Variants in GGA3 observed in about 807,000 individuals in gnomAD.
GGA3 encodes golgi associated, gamma adaptin ear containing, ARF binding protein 3.
A neutral mutation model predicts 77.5 loss-of-function variants in GGA3; 57 were observed. The observed-to-expected ratio is 0.74, with a 90% CI of 0.59 to 0.92. The LOEUF (loss-of-function observed/expected upper bound fraction) is 0.92, where lower values mean the gene tolerates loss of function less well. Among genes scored for constraint, GGA3 ranks in the 40% least tolerant of loss-of-function variants. The probability of loss-of-function intolerance (pLI) is 0.00; values close to 1 mark genes in which losing one functional copy is unlikely to be tolerated. For synonymous variants in GGA3, 416 were observed against 383.7 expected (o/e 1.08, Z -0.98); for missense variants, 970 against 914.9 (o/e 1.06, Z -0.78).
At position 75,237,388 on chromosome 17, in the gene GGA3, G is replaced by GT. The variant is rs1250395896; in HGVS notation, c.*890_*891insA. On this transcript the variant is annotated 3_prime_UTR_variant, in exon 17 of 17. Transcript: ENST00000537686. ...ACATGCCATCTGGTGAGAGGAGAGGGAGGCCAAAGCAGTAGGATGTAGAGT... is the reference window on the plus strand; with the variant it reads ...ACATGCCATCTGGTGAGAGGAGAGGGTAGGCCAAAGCAGTAGGATGTAGAGT... 20 of 1,158,500 alleles carry GT rather than the reference G, an allele frequency of 1.7e-5. No individual in the cohort carries two copies. Among genetic ancestry groups the GT allele is most frequent in the Non-Finnish European group, 2.4e-5 (19 of 802,312 alleles). The allele number at this position is 1,158,500 out of a possible 1,614,324, so 71.8% of individuals were successfully genotyped here. A position where few individuals can be genotyped will look rare whatever the true frequency, so the allele number is the denominator to read the frequency against.
chr17:75,240,950 C>G lies in GGA3; in HGVS notation c.1054G>C (p.Gly352Arg), dbSNP rs1339080612. The G allele has an allele frequency of 6.2e-7, 1 of 1,614,022 alleles. No homozygotes were observed. The highest frequency in any genetic ancestry group is 8.5e-7 in the Non-Finnish European group (1 of 1,179,972). ...LAPAPTPPSS[G>R]IPILPPPPQA... The stretch of plus-strand genomic sequence containing the variant: ...GGTGGTGGAGGGAGGATTGGGATGC[C>G]TGAGGAGGGTGGAGTAGGTGCTGGG... Residue 352 changes from glycine to arginine, a missense_variant, in exon 11 of 17, where the codon GGC becomes CGC. Gly to Arg is a moderately radical substitution (Grantham distance 125, BLOSUM62 -2). Transcript: ENST00000537686.
chr17:75,251,168 T>C (rs16967731), intron 1 of GGA3, among the ~76,000 whole-genome samples: 17,509 of 151,978 alleles, frequency 0.12, 2,898 homozygotes, highest in African/African-American at 0.36. Flanking sequence ...CAACCTTCAC[T>C]AGGGTCCTGA....
intron 3 of GGA3, 21 bp downstream of exon 3, chr17:75,246,488 T>C: frequency 6.5e-7 from 1 of 1,533,264 alleles, no homozygotes; most frequent in Non-Finnish European, 9.0e-7. Context: ...GGTTTCCACC[T>C]CCGGAGAGTG....
In GGA3 at chr17:75,242,880, G is replaced by C; in HGVS notation, c.560C>G (p.Pro187Arg). 1 of 1,614,062 alleles carries C rather than the reference G, an allele frequency of 6.2e-7. No homozygotes were observed. Among genetic ancestry groups the C allele is most frequent in the Non-Finnish European group, 8.5e-7 (1 of 1,179,916 alleles). ...CTTGTTGGCCTCCTGCAGGTCATCT[G>C]GGTTTTTGCTTTTCAGCAGCTTGGC... ...LLAKLLKSKN[P>R]DDLQEANKLI... The change falls in exon 7 of 17, where the codon CCA becomes CGA. Residue 187 changes from proline (P) to arginine (R), a missense_variant. Physicochemically the swap from Pro to Arg is moderately radical, Grantham distance 103. Transcript: ENST00000537686.
Position 75,237,363 on chromosome 17 carries a change from A to G in GGA3, c.*916T>C, listed in dbSNP as rs1025084407. 1.1e-6 allele frequency: 1 copy of G among 908,834 alleles called. No homozygotes were observed. Among genetic ancestry groups the G allele is most frequent in the Admixed American group, 2.0e-5 (1 of 49,806 alleles). The allele number at this position is 908,834 out of a possible 1,614,324, so 56.3% of individuals were successfully genotyped here. ...TGTGTCCAGCCACAGGTGCCACACC[A>G]CATGCCATCTGGTGAGAGGAGAGGG... is the stretch of plus-strand genomic sequence containing the variant. On this transcript the variant is annotated 3_prime_UTR_variant, in exon 17 of 17. Transcript: ENST00000537686.
intron 1 of GGA3, among the ~76,000 whole-genome samples, chr17:75,256,870 G>A (rs994735437): frequency 1.1e-4 from 17 of 152,074 alleles, no homozygotes; most frequent in African/African-American, 4.1e-4. Context: ...GTAAGTAGAG[G>A]CCTTTCCTAC....
intron 3 of GGA3, 57 bp from the exon 4 acceptor site, chr17:75,244,774 G>A: frequency 1.8e-6 from 2 of 1,099,016 alleles, no homozygotes; most frequent in Non-Finnish European, 2.8e-6. Flanking sequence ...CTGGAACCTG[G>A]CACTGGCAAG....
Position 75,239,399 on chromosome 17 carries a change from C to T in GGA3, c.1756G>A (p.Val586Met), listed in dbSNP as rs771395482. 9 of 1,558,414 alleles carry T rather than the reference C, an allele frequency of 5.8e-6. No individual in the cohort carries two copies. The highest frequency in any genetic ancestry group is 2.8e-5 in the African/African-American group (2 of 71,972). ...CTAGGCTTGATCGATTCCAGGGGCACGTGGATGCTGGCCAGGGAGAGCTCA... is the reference window on the plus strand; with the variant it reads ...CTAGGCTTGATCGATTCCAGGGGCATGTGGATGCTGGCCAGGGAGAGCTCA... ...GPELSLASIH[V>M]PLESIKPSSA... The change falls in exon 14 of 17, where the codon GTG becomes ATG. Residue 586 changes from valine (V) to methionine (M), a missense_variant. By Grantham distance (21) the Val-to-Met change is conservative. Coordinates refer to ENST00000537686, the MANE Select transcript of GGA3 (RefSeq NM_138619.4).
chr17:75,238,913 C>G lies in GGA3; in HGVS notation c.1950+1G>C, dbSNP rs765595260. On this transcript the variant is annotated splice_donor_variant, in intron 15 of 16. Transcript: ENST00000537686. LOFTEE classifies it high-confidence loss of function. ...TTTTGGCCCCAGGGAGACACTGGTA[C>G]CTTGGGCACTGCAGCCTGCAGCACG... 7 of 1,613,680 alleles carry G rather than the reference C, an allele frequency of 4.3e-6. No individual in the cohort carries two copies. Among genetic ancestry groups the G allele is most frequent in the Non-Finnish European group, 5.9e-6 (7 of 1,179,780 alleles).
At chr17:75,248,395 C>CG (rs980878433) in intron 1 of GGA3, among the ~76,000 whole-genome samples, 16 of 135,846 alleles carry the variant, frequency 1.2e-4, no homozygotes, top group Non-Finnish European at 2.5e-4. Context: ...GGCGCGAACC[C>CG]GGGGGGTGGA....
chr17:75,247,835 A>G (rs1384457723), intron 1 of GGA3, among the ~76,000 whole-genome samples: 1 of 152,094 alleles, frequency 6.6e-6, no homozygotes, highest in Non-Finnish European at 1.5e-5. Flanking sequence ...ACCAAATGCA[A>G]AGTTCTGATA....
chr17:75,253,041 G>C (rs1427678170), intron 1 of GGA3, among the ~76,000 whole-genome samples: 3 of 152,158 alleles, frequency 2.0e-5, no homozygotes, highest in Non-Finnish European at 4.4e-5. Flanking sequence ...TCTTCACATG[G>C]ACGCGCATGA....
intron 1 of GGA3, chr17:75,248,946 C>T (rs1431498542): frequency 2.0e-6 from 2 of 985,100 alleles, no homozygotes; most frequent in African/African-American, 3.5e-5. Context: ...GCCCGTGGCA[C>T]CCAGTGTATC....
chr17:75,243,471 CG>C lies in GGA3; in HGVS notation c.399del (p.Asp133GlufsTer6). The C allele has an allele frequency of 3.1e-6, 5 of 1,614,180 alleles. No individual in the cohort carries two copies. Among genetic ancestry groups the C allele is most frequent in the Non-Finnish European group, 4.2e-6 (5 of 1,180,032 alleles). On this transcript the variant is annotated frameshift_variant, in exon 5 of 17. Transcript: ENST00000537686. LOFTEE classifies it high-confidence loss of function. ...MALPEEAKIK[D>X]AYHMLKRQGI... ...CCCTGTCTCTTCAGCATGTGGTAGG[CG>C]TCTTTGATCTTTGCTTCTTCTGGCA...
At chr17:75,248,360 A>G (rs1310653125) in intron 1 of GGA3, among the ~76,000 whole-genome samples, 2 of 149,008 alleles carry the variant, frequency 1.3e-5, no homozygotes, top group Non-Finnish European at 3.0e-5. Flanking sequence ...AGTCCCAGCT[A>G]CTCGGTAGGC....
At chr17:75,241,291 T>G (rs1290772834) in intron 10 of GGA3, 109 bp downstream of exon 10, 1 of 812,782 alleles carries the variant, frequency 1.2e-6, no homozygotes, top group Non-Finnish European at 2.1e-6. Flanking sequence ...AAGAACTCCC[T>G]TGGGCCTTGT....
Position 75,242,870 on chromosome 17 carries a change from C to A in GGA3, c.570G>T (p.Leu190=), listed in dbSNP as rs776714469. 5 of 1,614,072 alleles carry A rather than the reference C, an allele frequency of 3.1e-6. No individual in the cohort carries two copies. The highest frequency in any genetic ancestry group is 1.7e-6 in the Non-Finnish European group (2 of 1,179,926). ...KLLKSKNPDD[L]QEANKLIKSM... ...ACTTGATGAGCTTGTTGGCCTCCTG[C>A]AGGTCATCTGGGTTTTTGCTTTTCA... Residue 190 remains leucine, a synonymous_variant, in exon 7 of 17, where the codon CTG becomes CTT. Coordinates refer to ENST00000537686, the MANE Select transcript of GGA3 (RefSeq NM_138619.4).
Position 75,237,958 on chromosome 17 carries a change from C to T in GGA3, c.*321G>A. 1 of 1,134,276 alleles carries T rather than the reference C, an allele frequency of 8.8e-7. No homozygotes were observed. Among genetic ancestry groups the T allele is most frequent in the Non-Finnish European group, 1.1e-6 (1 of 926,918 alleles). 70.3% of individuals were successfully genotyped at this position (1,134,276 alleles called of 1,614,324 possible). ...CCACCCCAGTGGCTTCAGTGAATGC[C>T]AGTAGAAGGAAGCAAACACCTACGC... On this transcript the variant is annotated 3_prime_UTR_variant, in exon 17 of 17. Coordinates refer to ENST00000537686, the MANE Select transcript of GGA3 (RefSeq NM_138619.4).
intron 1 of GGA3, chr17:75,249,073 T>A: frequency 3.6e-5 from 28 of 770,440 alleles, no homozygotes; most frequent in South Asian, 5.9e-5. Flanking sequence ...TGAGATTGAG[T>A]CTCGCTGTGT....
Sources: gnomAD v4.1 joint callset for allele counts (sites outside exome capture counted in the v4.1 genomes callset) on GRCh38, gnomAD v4.1.1 for gene constraint, MANE v1.5 for transcripts, NCBI Gene and HGNC (gene_info 2026-07-23, HGNC 2026-07-21) for gene names.